The following ATP2C2 variants were observed in gnomAD, a reference collection of about 807,000 sequenced individuals.
ATP2C2 encodes the protein calcium-transporting ATPase type 2C member 2.
Under a neutral mutation model 110.8 loss-of-function variants are expected in ATP2C2, and 171 were observed. The ratio of observed to expected loss-of-function variants is 1.54; its 90% CI spans 1.36 to 1.75. The LOEUF (loss-of-function observed/expected upper bound fraction) is 1.75. Ranked by LOEUF, ATP2C2 falls within the 40% of genes most tolerant of loss-of-function variation. The pLI, the probability that ATP2C2 is intolerant of heterozygous loss-of-function variation, is 0.00. For missense variants in ATP2C2, 1,963 were observed against 1,235.0 expected, an observed-to-expected ratio of 1.59 and a Z score of -8.84; for synonymous variants, 804 against 508.4, an observed-to-expected ratio of 1.58 and a Z score of -7.82.
In ATP2C2 at chr16:84,454,845, G is replaced by C. The variant is rs1910639740; in HGVS notation, c.2008G>C (p.Ala670Pro). ...KALQESGAIV[A>P]MTGDGVNDAV... ...TCTGCAGGAGTCAGGGGCGATCGTGGCCATGACTGGGGATGGGGTGAACGA... is the reference window on the plus strand; with the variant it reads ...TCTGCAGGAGTCAGGGGCGATCGTGCCCATGACTGGGGATGGGGTGAACGA... Residue 670 changes from alanine (A) to proline (P), a missense_variant, in exon 21 of 27, where the codon GCC (alanine) becomes CCC (proline). Physicochemically the swap from Ala to Pro is conservative, Grantham distance 27. Coordinates refer to ENST00000262429, the MANE Select transcript of ATP2C2 (RefSeq NM_014861.4). 2 of 1,612,186 alleles carry C rather than the reference G, an allele frequency of 1.2e-6. No homozygotes were observed. The highest frequency in any genetic ancestry group is 1.1e-5 in the South Asian group (1 of 90,914).
intron 11 of ATP2C2, among the ~76,000 whole-genome samples, chr16:84,436,455 T>G (rs1908743901): frequency 6.6e-6 from 1 of 152,146 alleles, no homozygotes; most frequent in Admixed American, 6.5e-5. Context: ...GAGGGGCTTC[T>G]GCAGGGTCCC....
At chr16:84,394,471 C>T (rs1025563201) in intron 1 of ATP2C2, among the ~76,000 whole-genome samples, 4 of 152,052 alleles carry the variant, frequency 2.6e-5, no homozygotes, top group Non-Finnish European at 5.9e-5. Flanking sequence ...CTGGCTTCTT[C>T]CGCTTAGTGT....
At position 84,446,444 on chromosome 16, in the gene ATP2C2, A is replaced by G. The variant is rs370627886; in HGVS notation, c.1503+14A>G. 133 of 1,549,434 alleles carry G rather than the reference A, an allele frequency of 8.6e-5. 1 individual carries two copies. The highest frequency in any genetic ancestry group is 6.0e-4 in the East Asian group (26 of 43,142). ...CTGAAGACTGAGGTGAGACCTTTCA[A>G]TCTTCAACCTCTTCTCTCTTTCTGC... On this transcript the variant is annotated intron_variant, in intron 16 of 26. Transcript: ENST00000262429.
chr16:84,433,268 A>G (rs1908439202), intron 11 of ATP2C2, among the ~76,000 whole-genome samples: 1 of 152,124 alleles, frequency 6.6e-6, no homozygotes, highest in African/African-American at 2.4e-5. Flanking sequence ...TTGTAGCCCC[A>G]GCTACTTGGG....
intron 2 of ATP2C2, among the ~76,000 whole-genome samples, chr16:84,399,137 AGTG>A (rs1905167562): frequency 6.6e-6 from 1 of 152,110 alleles, no homozygotes; most frequent in Non-Finnish European, 1.5e-5. Flanking sequence ...ATTGCACACA[AGTG>A]TGTGTGTGTG....
intron 1 of ATP2C2, among the ~76,000 whole-genome samples, chr16:84,378,400 G>C (rs1910375861): frequency 6.6e-6 from 1 of 152,140 alleles, no homozygotes; most frequent in Non-Finnish European, 1.5e-5. Flanking sequence ...TGGAGGTGTT[G>C]GGTGCAAGAA....
chr16:84,371,603 G>T (rs1909957670), intron 1 of ATP2C2, among the ~76,000 whole-genome samples: 1 of 152,228 alleles, frequency 6.6e-6, no homozygotes, highest in African/African-American at 2.4e-5. Flanking sequence ...GTAAGGAAGA[G>T]ATTGGAGCAG....
At position 84,462,037 on chromosome 16, in the gene ATP2C2, A is replaced by T. The variant is rs1380690096; in HGVS notation, c.2630A>T (p.Tyr877Phe). 1.2e-6 allele frequency: 2 copies of T among 1,613,774 alleles called. No homozygotes were observed. The highest frequency in any genetic ancestry group is 1.1e-5 in the South Asian group (1 of 91,054). Reference sequence around the variant, plus strand: ...TTTCTCAGGAACCACATGTTCCTCTACTCCGTCCTGGGGTCCATCCTGGGG... The same window carrying T: ...TTTCTCAGGAACCACATGTTCCTCTTCTCCGTCCTGGGGTCCATCCTGGGG... ...IGFLRNHMFL[Y>F]SVLGSILGQL... The change falls in exon 26 of 27, where the codon TAC (tyrosine) becomes TTC (phenylalanine). Residue 877 changes from tyrosine to phenylalanine, a missense_variant. By Grantham distance (22) the Tyr-to-Phe change is conservative. Coordinates refer to ENST00000262429, the MANE Select transcript of ATP2C2 (RefSeq NM_014861.4).
intron 1 of ATP2C2, among the ~76,000 whole-genome samples, chr16:84,384,004 G>T (rs772998559): frequency 2.6e-5 from 4 of 152,020 alleles, no homozygotes; most frequent in African/African-American, 4.8e-5. Context: ...GTCCAGGCTG[G>T]TCTCAAACTC....
At chr16:84,462,449 A>C (rs904681000) in intron 26 of ATP2C2, 7 of 249,068 alleles carry the variant, frequency 2.8e-5, no homozygotes, top group African/African-American at 1.1e-4. Flanking sequence ...CAAGGCCTGT[A>C]CTCAGCCTGG....
At chr16:84,459,700 C>A in intron 23 of ATP2C2, 2 of 1,023,856 alleles carry the variant, frequency 2.0e-6, no homozygotes, top group African/African-American at 1.6e-5. Flanking sequence ...TTCAGGAAGT[C>A]TTCCCTGATT....
chr16:84,430,631 C>T (rs34332874), intron 11 of ATP2C2, among the ~76,000 whole-genome samples: 52,711 of 133,412 alleles, frequency 0.4, 9,856 homozygotes, highest in South Asian at 0.45. Flanking sequence ...CAGAGTGAGA[C>T]ACCATCTCAA....
At chr16:84,404,502 A>G (rs1388121898) in intron 2 of ATP2C2, 1 of 174,796 alleles carries the variant, frequency 5.7e-6, no homozygotes, top group Non-Finnish European at 1.2e-5. Flanking sequence ...TTAAAGGTGT[A>G]TCCATGTTGT....
chr16:84,408,513 C>T lies in ATP2C2; in HGVS notation c.417+19C>T. On this transcript the variant is annotated intron_variant, in intron 4 of 26. Transcript: ENST00000262429. ...CGCCACGGTGAGTTCCCTGACAGCG[C>T]TCGGCTCCCGGGCGGGCAGCCACAG... The T allele has an allele frequency of 6.2e-7, 1 of 1,605,874 alleles. No individual in the cohort carries two copies. Among genetic ancestry groups the T allele is most frequent in the Non-Finnish European group, 8.5e-7 (1 of 1,175,568 alleles).
chr16:84,448,482 T>C, intron 16 of ATP2C2, 51 bp from the exon 17 acceptor site: 1 of 1,567,400 alleles, frequency 6.4e-7, no homozygotes, highest in Non-Finnish European at 8.7e-7. Flanking sequence ...ATGGTCAGTA[T>C]GAACCAAGGC....
intron 23 of ATP2C2, 71 bp from the exon 24 acceptor site, chr16:84,460,583 C>A (rs773188842): frequency 6.2e-7 from 1 of 1,607,288 alleles, no homozygotes; most frequent in Admixed American, 1.7e-5. Context: ...GAGGCTCAGG[C>A]ACAGCTGTTT....
At position 84,418,719 on chromosome 16, in the gene ATP2C2, C is replaced by T. The variant is rs561588604; in HGVS notation, c.624+3128C>T. On this transcript the variant is annotated intron_variant, in intron 7 of 26. Coordinates refer to ENST00000262429, the MANE Select transcript of ATP2C2 (RefSeq NM_014861.4). ...GCAGCCCATGTCCTTACCCCCAGGACGTTCTCTCTCTCCCTGTGAGCAGCT... is the reference window on the plus strand; with the variant it reads ...GCAGCCCATGTCCTTACCCCCAGGATGTTCTCTCTCTCCCTGTGAGCAGCT... Among the ~76,000 whole-genome samples the T allele has an allele frequency of 3.9e-5, 6 of 152,308 alleles. No individual in the cohort carries two copies. The South Asian group carries it at 8.3e-4, about 21-fold the overall frequency.
chr16:84,453,445 G>T, intron 20 of ATP2C2, 74 bp downstream of exon 20: 3 of 1,584,822 alleles, frequency 1.9e-6, no homozygotes, highest in African/African-American at 1.3e-5. Context: ...AGGAGCTCAT[G>T]CGTCCGTCGG....
rs371540557 is a variant in ATP2C2 at position 84,405,584 on chromosome 16, G to A, written c.327+340G>A. On this transcript the variant is annotated intron_variant, in intron 3 of 26. Transcript: ENST00000262429. ...GCAGAGGTTGAAAGATTTCCCCAGA[G>A]TTGCCAGGTTTAGCAAATAACAATA... Among the ~76,000 whole-genome samples the A allele has an allele frequency of 1.2e-4, 18 of 152,302 alleles. No homozygotes were observed. The East Asian group carries it at 1.4e-3, about 11-fold the overall frequency.
Sources: gnomAD v4.1 joint callset for allele counts (sites outside exome capture counted in the v4.1 genomes callset) on GRCh38, gnomAD v4.1.1 for gene constraint, MANE v1.5 for transcripts, NCBI Gene and HGNC (gene_info 2026-07-23, HGNC 2026-07-21) for gene names.